Variants in TRAPPC3 observed in about 807,000 individuals in gnomAD.
The protein encoded by TRAPPC3 is trafficking protein particle complex 3.
Under a neutral mutation model 18.2 loss-of-function variants are expected in TRAPPC3, and 5 were observed. The ratio of observed to expected loss-of-function variants is 0.28; its 90% confidence interval spans 0.14 to 0.58. The LOEUF (loss-of-function observed/expected upper bound fraction) is 0.58. Ranked by LOEUF, TRAPPC3 falls within the 20% of genes least tolerant of loss-of-function variation. The pLI, the probability that TRAPPC3 is intolerant of heterozygous loss-of-function variation, is 0.91. For synonymous variants in TRAPPC3, 65 were observed against 84.2 expected, an observed-to-expected ratio of 0.77 and a Z score of 1.25; for missense variants, 176 against 225.9, an observed-to-expected ratio of 0.78 and a Z score of 1.41.
rs375476187 is a variant in TRAPPC3 at position 36,144,148 on chromosome 1, C to T, written c.43-3982G>A. 3.3e-4 allele frequency among the ~76,000 whole-genome samples: 50 copies of T among 151,760 alleles called. No individual in the cohort carries two copies. The East Asian group carries it at 6.4e-3, about 19-fold the overall frequency. On this transcript the variant is annotated intron_variant, in intron 1 of 4. Coordinates refer to ENST00000373166, the MANE Select transcript of TRAPPC3 (RefSeq NM_014408.5). The stretch of plus-strand genomic sequence containing the variant: ...ACTAAAAATACAAAAATTAGCTGGG[C>T]GTGGTACTAGGTGCCTGTAATCCCA...
Position 36,149,065 on chromosome 1 carries a change from T to C in TRAPPC3, c.42+272A>G, listed in dbSNP as rs79648550. Reference sequence around the variant, plus strand: ...GCCCAACACATAGTAAGAGAGAAGTTAAGTGGCAGTTATTGGTATTTATTA... The same window carrying C: ...GCCCAACACATAGTAAGAGAGAAGTCAAGTGGCAGTTATTGGTATTTATTA... On this transcript the variant is annotated intron_variant, in intron 1 of 4. Transcript: ENST00000373166. 4 of 1,231,290 alleles carry C rather than the reference T, an allele frequency of 3.2e-6. No individual in the cohort carries two copies. In the African/African-American group the frequency reaches 1.1e-4, roughly 33 times the overall value. 76.3% of individuals were successfully genotyped at this position (1,231,290 alleles called of 1,614,324 possible). A position where few individuals can be genotyped will look rare whatever the true frequency, so the allele number is the denominator to read the frequency against.
At chr1:36,149,128 G>C in intron 1 of TRAPPC3, 1 of 1,448,732 alleles carries the variant, frequency 6.9e-7, no homozygotes, top group South Asian at 1.4e-5. Context: ...GCTGCACTCA[G>C]GCCTTGGGGG....
chr1:36,141,440 T>C (rs1290708839), intron 1 of TRAPPC3, among the ~76,000 whole-genome samples: 2 of 152,140 alleles, frequency 1.3e-5, no homozygotes, highest in Admixed American at 6.5e-5. Flanking sequence ...GAAGAAAGTC[T>C]AAGAAATGTA....
At chr1:36,149,495 G>C, upstream of TRAPPC3, 2 of 1,369,062 alleles carry the variant, frequency 1.5e-6, no homozygotes, top group Non-Finnish European at 2.0e-6. Context: ...CTGACTCACT[G>C]CGCCTGCGCG....
chr1:36,140,117 C>T lies in TRAPPC3; in HGVS notation c.92G>A (p.Cys31Tyr), dbSNP rs988908410. Residue 31 changes from cysteine (C) to tyrosine (Y), a missense_variant, in exon 2 of 5, where the codon TGT becomes TAT. By Grantham distance (194) the Cys-to-Tyr change is radical. Coordinates refer to ENST00000373166, the MANE Select transcript of TRAPPC3 (RefSeq NM_014408.5). Reference sequence around the variant, plus strand: ...ATCTTCATCATTTTCATAGTCCTTACATAGCTGGGTGACCAGGGCACCATA... The same window carrying T: ...ATCTTCATCATTTTCATAGTCCTTATATAGCTGGGTGACCAGGGCACCATA... ...LTYGALVTQL[C>Y]KDYENDEDVN... The T allele has an allele frequency of 4.4e-6, 7 of 1,605,090 alleles. No homozygotes were observed. In the African/African-American group the frequency reaches 5.4e-5, roughly 12 times the overall value.
chr1:36,137,394 A>AT, intron 4 of TRAPPC3, 72 bp from the exon 5 acceptor site: 1 of 1,508,434 alleles, frequency 6.6e-7, no homozygotes, highest in Non-Finnish European at 9.1e-7. Flanking sequence ...GGGATGGGGC[A>AT]TAACTGACTC....
At position 36,144,413 on chromosome 1, in the gene TRAPPC3, G is replaced by C. The variant is rs569608012; in HGVS notation, c.43-4247C>G. On this transcript the variant is annotated intron_variant, in intron 1 of 4. Transcript: ENST00000373166. ...TAATCCCAGCACTTTGGGAGGCGGA[G>C]GCAGGGGTCGGAAGTGGTCACCTGA... 5.9e-5 allele frequency among the ~76,000 whole-genome samples: 9 copies of C among 152,216 alleles called. No individual in the cohort carries two copies. The South Asian group carries it at 1.9e-3, about 32-fold the overall frequency.
intron 1 of TRAPPC3, among the ~76,000 whole-genome samples, chr1:36,147,480 A>C (rs1164662328): frequency 8.3e-5 from 1 of 12,000 alleles, no homozygotes; most frequent in Non-Finnish European, 2.6e-4. Flanking sequence ...CTAGCTCTAC[A>C]AAAAAAAAAA....
chr1:36,138,566 T>G (rs1052364154), intron 3 of TRAPPC3, among the ~76,000 whole-genome samples: 1 of 152,226 alleles, frequency 6.6e-6, no homozygotes, highest in African/African-American at 2.4e-5. Flanking sequence ...ATGGGTGCTA[T>G]GTCATTTATT....
chr1:36,153,602 T>C (rs542941908), upstream of TRAPPC3, among the ~76,000 whole-genome samples: 1 of 152,320 alleles, frequency 6.6e-6, no homozygotes, highest in South Asian at 2.1e-4. Context: ...TTCCTTATTG[T>C]GAGGATGGTC....
chr1:36,137,165 C>T lies in TRAPPC3; in HGVS notation c.*38G>A, dbSNP rs374198321. 2 of 1,589,250 alleles carry T rather than the reference C, an allele frequency of 1.3e-6. No homozygotes were observed. Among genetic ancestry groups the T allele is most frequent in the African/African-American group, 1.3e-5 (1 of 74,558 alleles). ...GAGCACAGAGGCCTGCTGATTCCAACAGTGCTCCTGATGGCTATCCTCGAG... is the reference window on the plus strand; with the variant it reads ...GAGCACAGAGGCCTGCTGATTCCAATAGTGCTCCTGATGGCTATCCTCGAG... On this transcript the variant is annotated 3_prime_UTR_variant, in exon 5 of 5. Coordinates refer to ENST00000373166, the MANE Select transcript of TRAPPC3 (RefSeq NM_014408.5).
chr1:36,143,598 A>G (rs1249477105), intron 1 of TRAPPC3, among the ~76,000 whole-genome samples: 2 of 152,220 alleles, frequency 1.3e-5, no homozygotes, highest in Non-Finnish European at 2.9e-5. Flanking sequence ...TTCACTGAAC[A>G]TAAGCACCAC....
chr1:36,149,195 C>T lies in TRAPPC3; in HGVS notation c.42+142G>A, dbSNP rs1430919536. Reference sequence around the variant, plus strand: ...TCCCCTCACCTGCCTGGAACGCCCCCGGAGTGACCCAGCAAGAGGCTTCCC... The same window carrying T: ...TCCCCTCACCTGCCTGGAACGCCCCTGGAGTGACCCAGCAAGAGGCTTCCC... On this transcript the variant is annotated intron_variant, in intron 1 of 4. Coordinates refer to ENST00000373166, the MANE Select transcript of TRAPPC3 (RefSeq NM_014408.5). The T allele has an allele frequency of 3.3e-6, 5 of 1,510,134 alleles. No homozygotes were observed. The Admixed American group carries it at 1.0e-4, about 32-fold the overall frequency. The allele number at this position is 1,510,134 out of a possible 1,614,324, so 93.5% of individuals were successfully genotyped here.
rs781722871 is a variant in TRAPPC3 at position 36,149,411 on chromosome 1, A to G, written c.-33T>C. On this transcript the variant is annotated 5_prime_UTR_variant, in exon 1 of 5. Transcript: ENST00000373166. ...GCCGCCCCGCCCCACTCGCCTAGCCACGGGTTAGCTCGGCGACCCCTGCAG... is the reference window on the plus strand; with the variant it reads ...GCCGCCCCGCCCCACTCGCCTAGCCGCGGGTTAGCTCGGCGACCCCTGCAG... 7.4e-6 allele frequency: 12 copies of G among 1,611,070 alleles called. No individual in the cohort carries two copies. The Admixed American group carries it at 1.5e-4, about 20-fold the overall frequency.
In TRAPPC3 at chr1:36,137,854, T is replaced by C. The variant is rs751271535; in HGVS notation, c.365A>G (p.His122Arg). The change falls in exon 4 of 5, where the codon CAC becomes CGC. Residue 122 changes from histidine (H) to arginine (R), a missense_variant. His to Arg is a conservative substitution (Grantham distance 29). This residue lies in a region of TRAPPC3 where 147 missense variants were observed against 164.3 expected (regional missense o/e 0.89). Coordinates refer to ENST00000373166, the MANE Select transcript of TRAPPC3 (RefSeq NM_014408.5). ...LVDFVELPDN[H>R]SSLIYSNLLC... ...GAGATTGGAATAAATAAGGGATGAGTGGTTATCAGGAAGTTCCACAAAGTC... is the reference window on the plus strand; with the variant it reads ...GAGATTGGAATAAATAAGGGATGAGCGGTTATCAGGAAGTTCCACAAAGTC... 5 of 1,613,896 alleles carry C rather than the reference T, an allele frequency of 3.1e-6. No individual in the cohort carries two copies. Among genetic ancestry groups the C allele is most frequent in the Non-Finnish European group, 4.2e-6 (5 of 1,179,984 alleles).
exon 1 of TRAPPC3, chr1:36,156,038 A>G (rs1478933479): frequency 1.4e-5 from 3 of 209,480 alleles, no homozygotes; most frequent in Non-Finnish European, 2.8e-5. Flanking sequence ...GGGCGGCGCG[A>G]ACGGCGCGGA....
At chr1:36,140,397 C>G (rs945613780) in intron 1 of TRAPPC3, 1 of 385,572 alleles carries the variant, frequency 2.6e-6, no homozygotes, top group Non-Finnish European at 4.6e-6. Context: ...ATGCACTAAG[C>G]AATCACTCTT....
chr1:36,142,090 C>CTGT (rs986511422), intron 1 of TRAPPC3, among the ~76,000 whole-genome samples: 7 of 151,678 alleles, frequency 4.6e-5, no homozygotes, highest in Non-Finnish European at 7.4e-5. Context: ...TTCCCCACAA[C>CTGT]TGTAGTATTA....
chr1:36,145,814 C>T (rs1489388956), intron 1 of TRAPPC3, among the ~76,000 whole-genome samples: 6 of 152,232 alleles, frequency 3.9e-5, no homozygotes, highest in Non-Finnish European at 7.3e-5. Context: ...CGCACTGTCG[C>T]CCAGGCTGGA....
Sources: gnomAD v4.1 joint callset for allele counts (sites outside exome capture counted in the v4.1 genomes callset) on GRCh38, gnomAD v4.1.1 for gene constraint, gnomAD v4.1.1 regional missense constraint, MANE v1.5 for transcripts, NCBI Gene and HGNC (gene_info 2026-07-23, HGNC 2026-07-21) for gene names.